Variants in SLC38A1 observed in about 807,000 individuals in gnomAD.
SLC38A1 encodes the protein solute carrier family 38 member 1.
Under a neutral mutation model 60.3 loss-of-function variants are expected in SLC38A1, and 18 were observed. The ratio of observed to expected loss-of-function variants is 0.30; its 90% confidence interval spans 0.21 to 0.44. The LOEUF is 0.44. Among genes scored for constraint, SLC38A1 ranks in the 20% least tolerant of loss-of-function variants. The pLI is 1.00. For missense variants in SLC38A1, 448 were observed against 587.2 expected, an observed-to-expected ratio of 0.76 and a Z score of 2.45; for synonymous variants, 196 against 212.1, an observed-to-expected ratio of 0.92 and a Z score of 0.66.
intron 1 of SLC38A1, chr12:46,267,348 C>T (rs1479432954): frequency 2.6e-5 from 4 of 152,274 alleles, no homozygotes; most frequent in Non-Finnish European, 5.9e-5. Context: ...TGTACAAACC[C>T]CGGGTCCGCG....
At chr12:46,193,272 T>G (rs995307146) in intron 16 of SLC38A1, among the ~76,000 whole-genome samples, 1 of 152,220 alleles carries the variant, frequency 6.6e-6, no homozygotes, top group Non-Finnish European at 1.5e-5. Context: ...TGAGTTCTAA[T>G]TTGATTGCAC....
intron 1 of SLC38A1, chr12:46,254,709 T>A (rs537881406): frequency 1.1e-4 from 17 of 152,390 alleles, no homozygotes; most frequent in African/African-American, 3.4e-4. Flanking sequence ...AGTCAAAGCC[T>A]TGGTAAAATA....
At chr12:46,252,549 T>G (rs1941887006) in intron 1 of SLC38A1, among the ~76,000 whole-genome samples, 1 of 151,778 alleles carries the variant, frequency 6.6e-6, no homozygotes, top group African/African-American at 2.4e-5. Flanking sequence ...GCTAATTAAT[T>G]TATTTAAAAA....
rs954390424 is a variant in SLC38A1, at chr12:46,229,840, CA to C, written c.123-202del. 3.5e-4 allele frequency among the ~76,000 whole-genome samples: 53 copies of C among 152,082 alleles called. 1 individual carries two copies. The highest frequency in any genetic ancestry group is 7.5e-4 in the Non-Finnish European group (51 of 68,020). On this transcript the variant is annotated intron_variant, in intron 3 of 16. Coordinates refer to ENST00000398637, the MANE Select transcript of SLC38A1 (RefSeq NM_030674.4). The stretch of plus-strand genomic sequence containing the variant: ...TGAGTTGTCTATATTCTCGTTTTAC[CA>C]AATAAACTATAAGTGCCCCAAGGGC...
intron 16 of SLC38A1, chr12:46,196,044 G>A: frequency 9.1e-7 from 1 of 1,097,528 alleles, no homozygotes; most frequent in Non-Finnish European, 1.3e-6. Flanking sequence ...CGATCTTGCT[G>A]GGAGCTGCAG....
intron 16 of SLC38A1, chr12:46,195,580 G>A (rs1206202371): frequency 2.6e-5 from 4 of 154,404 alleles, no homozygotes; most frequent in Non-Finnish European, 4.3e-5. Context: ...AGGCCCTGCT[G>A]AGCAGCGATG....
intron 1 of SLC38A1, among the ~76,000 whole-genome samples, chr12:46,258,861 C>G (rs545622010): frequency 7.9e-5 from 12 of 152,310 alleles, no homozygotes; most frequent in Admixed American, 3.3e-4. Context: ...ACTATGTTGG[C>G]CAGGCTGGTC....
Position 46,239,893 on chromosome 12 carries a change from C to A in SLC38A1, c.-93G>T. On this transcript the variant is annotated splice_region_variant and 5_prime_UTR_variant, in exon 3 of 17. Transcript: ENST00000398637. The stretch of plus-strand genomic sequence containing the variant: ...GATACCAAAATGGAAGCTTGACACC[C>A]CTAAAATATAGCAAAATAAAAAAAT... 3.4e-6 allele frequency: 4 copies of A among 1,191,266 alleles called. No individual in the cohort carries two copies. Among genetic ancestry groups the A allele is most frequent in the Non-Finnish European group, 4.8e-6 (4 of 839,412 alleles). 73.8% of individuals were successfully genotyped at this position (1,191,266 alleles called of 1,614,324 possible).
Position 46,234,854 on chromosome 12 carries a change from T to A in SLC38A1, c.122+4825A>T, listed in dbSNP as rs143035810. Reference sequence around the variant, plus strand: ...ACCATTTAAAAGATGCACTTGCTTGTTAAAAAACACGACCTCTGGCAAAAT... The same window carrying A: ...ACCATTTAAAAGATGCACTTGCTTGATAAAAAACACGACCTCTGGCAAAAT... On this transcript the variant is annotated intron_variant, in intron 3 of 16. Transcript: ENST00000398637. Among the ~76,000 whole-genome samples the A allele has an allele frequency of 6.1e-4, 93 of 152,314 alleles. 4 individuals carry two copies. Among genetic ancestry groups the A allele is most frequent in the African/African-American group, 2.2e-3 (91 of 41,554 alleles).
intron 1 of SLC38A1, among the ~76,000 whole-genome samples, chr12:46,266,227 G>A (rs535019461): frequency 6.6e-6 from 1 of 152,222 alleles, no homozygotes; most frequent in South Asian, 2.1e-4. Context: ...AGTAAAATCG[G>A]TTTTTGTCCA....
chr12:46,255,297 G>GT (rs1490400419), intron 1 of SLC38A1, among the ~76,000 whole-genome samples: 2 of 152,172 alleles, frequency 1.3e-5, no homozygotes, highest in African/African-American at 4.8e-5. Context: ...GTAATTTTAT[G>GT]TAACAATTAT....
chr12:46,215,396 G>A (rs1940359704), intron 5 of SLC38A1, among the ~76,000 whole-genome samples: 1 of 152,070 alleles, frequency 6.6e-6, no homozygotes, highest in Non-Finnish European at 1.5e-5. Context: ...GCTTCCTTTG[G>A]TTGACTTCCT....
chr12:46,189,397 A>C (rs1435292104), intron 16 of SLC38A1, among the ~76,000 whole-genome samples: 1 of 152,190 alleles, frequency 6.6e-6, no homozygotes, highest in African/African-American at 2.4e-5. Flanking sequence ...TAAGATTACA[A>C]CCAAGGGGGA....
At chr12:46,199,935 T>C (rs1939578754) in intron 13 of SLC38A1, among the ~76,000 whole-genome samples, 1 of 152,222 alleles carries the variant, frequency 6.6e-6, no homozygotes, top group Non-Finnish European at 1.5e-5. Flanking sequence ...CTAGTTCTAA[T>C]TTCCTTAATT....
intron 7 of SLC38A1, 88 bp downstream of exon 7, chr12:46,207,441 A>G: frequency 1.5e-6 from 2 of 1,313,734 alleles, no homozygotes; most frequent in Non-Finnish European, 2.2e-6. Flanking sequence ...TGAGGATGAT[A>G]ACTGCTTGAA....
intron 5 of SLC38A1, among the ~76,000 whole-genome samples, chr12:46,210,284 G>T (rs561908140): frequency 6.6e-6 from 1 of 152,258 alleles, no homozygotes; most frequent in African/African-American, 2.4e-5. Context: ...GGGCAACCAT[G>T]AGGAGATAAA....
At chr12:46,252,358 G>A (rs1941877711) in intron 1 of SLC38A1, among the ~76,000 whole-genome samples, 1 of 151,938 alleles carries the variant, frequency 6.6e-6, no homozygotes, top group South Asian at 2.1e-4. Context: ...CCTGGGGGAG[G>A]GATAGCATTA....
rs111685809 is a variant in SLC38A1 at position 46,248,927 on chromosome 12, C to T, written c.-208-5613G>A. 1.0e-2 allele frequency among the ~76,000 whole-genome samples: 1,520 copies of T among 152,120 alleles called. 13 individuals are homozygous for T. Among genetic ancestry groups the T allele is most frequent in the African/African-American group, 0.028 (1,175 of 41,506 alleles). ...ATCTCAGCACTTTGGGAGGCCGAGGCGGGCAGATCACGAGTTCAGGAGATC... is the reference window on the plus strand; with the variant it reads ...ATCTCAGCACTTTGGGAGGCCGAGGTGGGCAGATCACGAGTTCAGGAGATC... On this transcript the variant is annotated intron_variant, in intron 1 of 16. Transcript: ENST00000398637.
chr12:46,243,115 T>C (rs1445709724), intron 2 of SLC38A1, 85 bp downstream of exon 2: 1 of 151,598 alleles, frequency 6.6e-6, no homozygotes, highest in Non-Finnish European at 1.5e-5. Flanking sequence ...ATGAATTAAT[T>C]AATTAACTAA....
Sources: gnomAD v4.1 joint callset for allele counts (sites outside exome capture counted in the v4.1 genomes callset) on GRCh38, gnomAD v4.1.1 for gene constraint, MANE v1.5 for transcripts, NCBI Gene and HGNC (gene_info 2026-07-23, HGNC 2026-07-21) for gene names.